Variants in DCUN1D2 observed in about 807,000 individuals in gnomAD.
DCUN1D2 encodes the protein DCN1-like protein 2.
In DCUN1D2, 29 loss-of-function variants were observed where a neutral mutation model predicts 30.9. The ratio of observed to expected loss-of-function variants is 0.94; its 90% CI spans 0.70 to 1.28. DCUN1D2 has a LOEUF of 1.28. Ranked by LOEUF, DCUN1D2 falls within the 50% of genes most tolerant of loss-of-function variation. The pLI, the probability that DCUN1D2 is intolerant of heterozygous loss-of-function variation, is 0.00. For synonymous variants in DCUN1D2, 121 were observed against 115.3 expected (o/e 1.05, Z -0.32); for missense variants, 325 against 316.9 (o/e 1.03, Z -0.19).
At chr13:113,483,745 G>A (rs1473266666) in intron 2 of DCUN1D2, 95 bp downstream of exon 2, 6 of 1,260,832 alleles carry the variant, frequency 4.8e-6, no homozygotes, top group Non-Finnish European at 5.6e-6. Context: ...ACGGCAGCCC[G>A]GAGACCTGCC....
chr13:113,468,018 T>C lies in DCUN1D2; in HGVS notation c.520+6106A>G, dbSNP rs181710246. Among the ~76,000 whole-genome samples the C allele has an allele frequency of 6.1e-4, 83 of 136,648 alleles. 1 individual carries two copies. The highest frequency in any genetic ancestry group is 2.2e-3 in the African/African-American group (80 of 35,618). 89.6% of individuals were successfully genotyped at this position (136,648 alleles called of 152,430 possible). A position where few individuals can be genotyped will look rare whatever the true frequency, so the allele number is the denominator to read the frequency against. On this transcript the variant is annotated intron_variant, in intron 4 of 6. Coordinates refer to ENST00000478244, the MANE Select transcript of DCUN1D2 (RefSeq NM_001014283.2). ...AAGATCACACCACTGCACTCCAGCC[T>C]GGGCGACAGAGCGAGGATCCATCTT...
chr13:113,466,151 C>T (rs375373216), intron 4 of DCUN1D2, among the ~76,000 whole-genome samples: 7 of 152,002 alleles, frequency 4.6e-5, no homozygotes, highest in Non-Finnish European at 1.0e-4. Flanking sequence ...CTGGGATTAC[C>T]GGTGTGAGCC....
In DCUN1D2 at chr13:113,486,277, CTT is replaced by C. The variant is rs1160965386; in HGVS notation, c.4-2223_4-2222del. Among the ~76,000 whole-genome samples the C allele has an allele frequency of 4.6e-5, 7 of 152,298 alleles. No homozygotes were observed. The East Asian group carries it at 1.3e-3, about 29-fold the overall frequency. The stretch of plus-strand genomic sequence containing the variant: ...GAAAACCAAATGCCACATGTTCTCA[CTT>C]GTAAGTGGGAGCTGAACACTGAGCA... On this transcript the variant is annotated intron_variant, in intron 1 of 6. Coordinates refer to ENST00000478244, the MANE Select transcript of DCUN1D2 (RefSeq NM_001014283.2).
chr13:113,480,446 G>A (rs1195694401), intron 3 of DCUN1D2, 129 bp downstream of exon 3: 13 of 915,270 alleles, frequency 1.4e-5, no homozygotes, highest in Admixed American at 2.6e-5. Context: ...GAGTACAGAC[G>A]CATAAGAAAT....
At chr13:113,467,099 C>T (rs938513648) in intron 4 of DCUN1D2, among the ~76,000 whole-genome samples, 9 of 152,246 alleles carry the variant, frequency 5.9e-5, no homozygotes, top group Middle Eastern at 3.4e-3. Context: ...TGAGCCACCA[C>T]GCCTGGCCTG....
rs1314366214 is a variant in DCUN1D2, at chr13:113,458,088, C to G, written c.721G>C (p.Asp241His). The change falls in exon 7 of 7, where the codon GAT (aspartate) becomes CAT (histidine). Residue 241 changes from aspartate (D) to histidine (H), a missense_variant. Coordinates refer to ENST00000478244, the MANE Select transcript of DCUN1D2 (RefSeq NM_001014283.2). ...GGCCGTGCATATTCTACAAAATCAT[C>G]TATAAGAACGGGCCAAGCTCCTAAA... ...DEEGAWPVLI[D>H]DFVEYARPVV... is the part of the protein sequence containing the mutation. 2.5e-6 allele frequency: 4 copies of G among 1,614,210 alleles called. No individual in the cohort carries two copies. In the East Asian group the frequency reaches 6.7e-5, roughly 27 times the overall value.
At chr13:113,489,618 AC>A (rs2044887601) in intron 1 of DCUN1D2, among the ~76,000 whole-genome samples, 1 of 150,940 alleles carries the variant, frequency 6.6e-6, no homozygotes, top group African/African-American at 2.4e-5. Context: ...TCTACACGTT[AC>A]CGTGTCCCTT....
intron 4 of DCUN1D2, among the ~76,000 whole-genome samples, chr13:113,465,089 A>C (rs958041475): frequency 6.6e-6 from 1 of 152,258 alleles, no homozygotes; most frequent in Non-Finnish European, 1.5e-5. Flanking sequence ...TAAAGGAAGT[A>C]TCCCCTGCAT....
chr13:113,479,328 A>T (rs2044668128), intron 3 of DCUN1D2, among the ~76,000 whole-genome samples: 1 of 152,208 alleles, frequency 6.6e-6, no homozygotes, highest in Non-Finnish European at 1.5e-5. Flanking sequence ...TAAAAACGTA[A>T]GTGTGACTGC....
At chr13:113,477,935 T>C (rs2044645979) in intron 3 of DCUN1D2, among the ~76,000 whole-genome samples, 2 of 152,186 alleles carry the variant, frequency 1.3e-5, no homozygotes, top group South Asian at 2.1e-4. Flanking sequence ...CCTGATACTG[T>C]GTGTAGGATT....
intron 2 of DCUN1D2, among the ~76,000 whole-genome samples, chr13:113,483,178 C>A (rs1594124098): frequency 6.6e-6 from 1 of 152,208 alleles, no homozygotes; most frequent in Non-Finnish European, 1.5e-5. Flanking sequence ...TGCAGAGGGG[C>A]GTGGATCTGC....
At chr13:113,463,405 A>C (rs2044349254) in intron 4 of DCUN1D2, among the ~76,000 whole-genome samples, 1 of 152,116 alleles carries the variant, frequency 6.6e-6, no homozygotes, top group Non-Finnish European at 1.5e-5. Context: ...AAGATTCTCA[A>C]AGCTGGCCGG....
chr13:113,483,689 G>A, intron 2 of DCUN1D2, 151 bp downstream of exon 2: 1 of 702,236 alleles, frequency 1.4e-6, no homozygotes, highest in South Asian at 1.8e-5. Flanking sequence ...GAAGCAAGTG[G>A]ATTCTGCAGC....
intron 4 of DCUN1D2, chr13:113,462,656 A>C: frequency 1.3e-6 from 1 of 743,830 alleles, no homozygotes. Flanking sequence ...TCAGTTTTGA[A>C]TACCCTGGAG....
intron 4 of DCUN1D2, chr13:113,468,765 C>G (rs909021932): frequency 6.6e-6 from 1 of 152,274 alleles, no homozygotes; most frequent in African/African-American, 2.4e-5. Flanking sequence ...AGCCAAACAC[C>G]CAGAGGCAAC....
intron 4 of DCUN1D2, among the ~76,000 whole-genome samples, chr13:113,467,499 CAA>C (rs58117378): frequency 2.1e-4 from 27 of 131,600 alleles, no homozygotes; most frequent in Non-Finnish European, 1.3e-4. Flanking sequence ...GACACCACTG[CAA>C]AAAAAAAAAA....
At position 113,490,034 on chromosome 13, in the gene DCUN1D2, T is replaced by A. The variant is rs1161707531; in HGVS notation, c.3+633A>T. Among the ~76,000 whole-genome samples, 3 of 152,062 alleles carry A rather than the reference T, an allele frequency of 2.0e-5. No individual in the cohort carries two copies. The highest frequency in any genetic ancestry group is 4.4e-5 in the Non-Finnish European group (3 of 68,006). On this transcript the variant is annotated intron_variant, in intron 1 of 6. Coordinates refer to ENST00000478244, the MANE Select transcript of DCUN1D2 (RefSeq NM_001014283.2). The surrounding 1 kb of genome is among the most constrained non-coding windows in gnomAD (Gnocchi z 5.2). Reference sequence around the variant, plus strand: ...ACCGATGTGGACTGAATAAATCCCATCCATCACCATTTCCACCACATTTCA... The same window carrying A: ...ACCGATGTGGACTGAATAAATCCCAACCATCACCATTTCCACCACATTTCA...
chr13:113,473,317 C>T (rs1177696149), intron 4 of DCUN1D2, among the ~76,000 whole-genome samples: 1 of 152,214 alleles, frequency 6.6e-6, no homozygotes, highest in Non-Finnish European at 1.5e-5. Context: ...CCCAGCTTCA[C>T]CTCCACCTTC....
intron 6 of DCUN1D2, among the ~76,000 whole-genome samples, chr13:113,458,993 C>G (rs896497390): frequency 2.0e-5 from 3 of 152,222 alleles, no homozygotes; most frequent in Admixed American, 2.0e-4. Context: ...CAGTGTGGAA[C>G]TGACCTAAGG....
Sources: gnomAD v4.1 joint callset for allele counts (sites outside exome capture counted in the v4.1 genomes callset) on GRCh38, gnomAD v4.1.1 for gene constraint, Gnocchi (gnomAD v3.1) non-coding constraint, MANE v1.5 for transcripts, NCBI Gene and HGNC (gene_info 2026-07-23, HGNC 2026-07-21) for gene names.